Variants in RNF123 observed in about 807,000 individuals in gnomAD.
The protein encoded by RNF123 is E3 ubiquitin-protein ligase RNF123.
Under a neutral mutation model 168.5 loss-of-function variants are expected in RNF123, and 86 were observed. The ratio of observed to expected loss-of-function variants is 0.51; its 90% CI spans 0.43 to 0.61. The LOEUF (loss-of-function observed/expected upper bound fraction) is 0.61, where lower values mean the gene tolerates loss of function less well. Among genes scored for constraint, RNF123 ranks in the 20% least tolerant of loss-of-function variants. The pLI is 0.00. For synonymous variants in RNF123, 666 were observed against 689.1 expected (o/e 0.97, Z 0.52); for missense variants, 1,419 against 1,729.7 (o/e 0.82, Z 3.19).
intron 35 of RNF123, chr3:49,719,351 T>C (rs1327201265): frequency 1.2e-6 from 2 of 1,613,348 alleles, no homozygotes; most frequent in African/African-American, 1.3e-5. Flanking sequence ...GCAGCGCAGA[T>C]ACATTTGTAG....
intron 26 of RNF123, among the ~76,000 whole-genome samples, chr3:49,709,489 A>G (rs2080100528): frequency 6.6e-6 from 1 of 151,964 alleles, no homozygotes; most frequent in African/African-American, 2.4e-5. Context: ...TTTAGTAGAG[A>G]CAGGGTTTCA....
intron 35 of RNF123, chr3:49,718,805 A>G (rs2080313631): frequency 6.2e-7 from 1 of 1,613,096 alleles, no homozygotes; most frequent in Admixed American, 1.7e-5. Context: ...TCGCAAGGCA[A>G]AGGGTTGTTG....
intron 3 of RNF123, among the ~76,000 whole-genome samples, chr3:49,696,349 CTTTTTTTT>C (rs751323081): frequency 7.2e-6 from 1 of 138,068 alleles, no homozygotes. Flanking sequence ...GAGAGGGCTA[CTTTTTTTT>C]TTTTTTTTTG....
intron 18 of RNF123, 49 bp downstream of exon 18, chr3:49,702,193 T>C: frequency 6.3e-7 from 1 of 1,598,578 alleles, no homozygotes; most frequent in Non-Finnish European, 8.6e-7. Flanking sequence ...GGAGGGATGC[T>C]GCACTGGGCC....
chr3:49,704,720 A>C lies in RNF123; in HGVS notation c.1923A>C (p.Leu641=), dbSNP rs555444380. Residue 641 remains leucine, a synonymous_variant, in exon 22 of 39, where the codon CTA becomes CTC. Transcript: ENST00000327697. The stretch of plus-strand genomic sequence containing the variant: ...TCCAGTCAACCGCCATGGATGACCT[A>C]GATGAGGATGAGGAGCCAGCCCCAG... ...LELQSTAMDD[L]DEDEEPAPAM... 1.4e-5 allele frequency: 22 copies of C among 1,596,344 alleles called. No individual in the cohort carries two copies. In the South Asian group the frequency reaches 2.3e-4, roughly 16 times the overall value.
intron 35 of RNF123, 131 bp from the exon 36 acceptor site, chr3:49,720,380 A>G: frequency 1.1e-6 from 1 of 910,648 alleles, no homozygotes; most frequent in Non-Finnish European, 1.5e-6. Context: ...GGGTTTGGGA[A>G]GCAGGGAGAC....
intron 27 of RNF123, 170 bp downstream of exon 27, chr3:49,712,826 G>T (rs2080170048): frequency 1.3e-6 from 1 of 776,568 alleles, no homozygotes; most frequent in Non-Finnish European, 2.2e-6. Context: ...TCTGCACCCT[G>T]CCCTGGGACC....
Position 49,698,047 on chromosome 3 carries a change from T to C in RNF123, c.398-5T>C, listed in dbSNP as rs1187900292. On this transcript the variant is annotated splice_region_variant and splice_polypyrimidine_tract_variant and intron_variant, in intron 6 of 38. Coordinates refer to ENST00000327697, the MANE Select transcript of RNF123 (RefSeq NM_022064.5). The stretch of plus-strand genomic sequence containing the variant: ...ACCTCGTGGCCCTAACTCAGCTCTT[T>C]CCAGGGAAATGGCTCTACGAGGTCC... 8.7e-6 allele frequency: 14 copies of C among 1,613,918 alleles called. No homozygotes were observed. Among genetic ancestry groups the C allele is most frequent in the Non-Finnish European group, 1.0e-5 (12 of 1,179,940 alleles).
At chr3:49,709,824 C>A (rs1023019924) in intron 26 of RNF123, among the ~76,000 whole-genome samples, 1 of 152,180 alleles carries the variant, frequency 6.6e-6, no homozygotes, top group African/African-American at 2.4e-5. Context: ...CCGCCTGCCT[C>A]GGCTTCCCAA....
intron 17 of RNF123, 59 bp from the exon 18 acceptor site, chr3:49,702,024 C>G: frequency 1.3e-6 from 2 of 1,586,354 alleles, no homozygotes; most frequent in Non-Finnish European, 1.7e-6. Flanking sequence ...GGAGCCCTGG[C>G]CCAAACCTGC....
rs1166964858 is a variant in RNF123, at chr3:49,716,393, G to A, written c.3416G>A (p.Gly1139Asp). The A allele has an allele frequency of 6.2e-7, 1 of 1,613,870 alleles. No individual in the cohort carries two copies. The highest frequency in any genetic ancestry group is 8.5e-7 in the Non-Finnish European group (1 of 1,179,884). The change falls in exon 35 of 39, where the codon GGC becomes GAC. Residue 1139 changes from glycine to aspartate, a missense_variant and splice_region_variant. Coordinates refer to ENST00000327697, the MANE Select transcript of RNF123 (RefSeq NM_022064.5). Reference protein sequence around the residue: ...FDRVVTLRLPGLESVDHYPIL... With the variant: ...FDRVVTLRLPDLESVDHYPIL... Reference sequence around the variant, plus strand: ...ATCTCTTTCCTCCCCTTCCCCTCAGGCCTAGAGAGCGTGGACCACTATCCC... The same window carrying A: ...ATCTCTTTCCTCCCCTTCCCCTCAGACCTAGAGAGCGTGGACCACTATCCC...
chr3:49,698,661 G>C (rs1375277531), intron 8 of RNF123, 94 bp from the exon 9 acceptor site: 55 of 1,545,084 alleles, frequency 3.6e-5, no homozygotes, highest in Non-Finnish European at 4.7e-5. Context: ...CTTGTGGCTA[G>C]TCTCCCTTGG....
At chr3:49,690,904 G>C (rs565579603) in intron 1 of RNF123, among the ~76,000 whole-genome samples, 7 of 152,312 alleles carry the variant, frequency 4.6e-5, no homozygotes, top group Admixed American at 1.3e-4. Flanking sequence ...CCTGTGCTGG[G>C]CACAGGGACA....
In RNF123 at chr3:49,698,998, C is replaced by T. The variant is rs1396975823; in HGVS notation, c.657C>T (p.Gly219=). The change falls in exon 10 of 39, where the codon GGC becomes GGT. Residue 219 remains glycine, a synonymous_variant. Coordinates refer to ENST00000327697, the MANE Select transcript of RNF123 (RefSeq NM_022064.5). The stretch of plus-strand genomic sequence containing the variant: ...TCCCCAGGAACGGTGTATCACTGGG[C>T]ACTGCCTTTGAGAACCTGTCCAGGG... ...LSFCLNGVSL[G]TAFENLSRGL... is the part of the protein sequence containing the mutation. The T allele has an allele frequency of 1.2e-6, 2 of 1,613,986 alleles. No individual in the cohort carries two copies. The highest frequency in any genetic ancestry group is 2.2e-5 in the East Asian group (1 of 44,888).
Position 49,699,784 on chromosome 3 carries a change from T to C in RNF123, c.984+12T>C. Reference sequence around the variant, plus strand: ...TTGCACCGCTTCTGGTGAGCGGCATTGGGAGGGGCATGGGAGGGGAGGAGA... The same window carrying C: ...TTGCACCGCTTCTGGTGAGCGGCATCGGGAGGGGCATGGGAGGGGAGGAGA... On this transcript the variant is annotated intron_variant, in intron 12 of 38. Transcript: ENST00000327697. This position sits in a 1 kb window ranked among gnomAD's most constrained non-coding sequence, Gnocchi z 4.8. 6.2e-7 allele frequency: 1 copy of C among 1,611,262 alleles called. No individual in the cohort carries two copies. The highest frequency in any genetic ancestry group is 8.5e-7 in the Non-Finnish European group (1 of 1,178,636).
At chr3:49,715,782 C>A in intron 32 of RNF123, 40 bp from the exon 33 acceptor site, 1 of 1,613,872 alleles carries the variant, frequency 6.2e-7, no homozygotes, top group Non-Finnish European at 8.5e-7. Context: ...GGGCTAGAGC[C>A]AGGTGCTGAC....
intron 15 of RNF123, 92 bp downstream of exon 15, chr3:49,700,801 C>A: frequency 7.4e-7 from 1 of 1,350,418 alleles, no homozygotes; most frequent in South Asian, 1.2e-5. Flanking sequence ...GGCCAGGGGT[C>A]CCCTGGGAGC....
intron 23 of RNF123, 114 bp from the exon 24 acceptor site, chr3:49,705,420 C>G (rs994007456): frequency 6.9e-7 from 1 of 1,452,198 alleles, no homozygotes; most frequent in Non-Finnish European, 9.2e-7. Flanking sequence ...GGGCTCCCCG[C>G]GGGTCCCTCC....
rs760865167 is a variant in RNF123 at position 49,700,520 on chromosome 3, C to T, written c.1159C>T (p.Arg387Trp). The change falls in exon 14 of 39, where the codon CGG becomes TGG. Residue 387 changes from arginine (R) to tryptophan (W), a missense_variant. Around this residue, in one of 5 missense-constraint regions of RNF123, gnomAD observed 349 missense variants for 344.9 expected, o/e 1.01. Coordinates refer to ENST00000327697, the MANE Select transcript of RNF123 (RefSeq NM_022064.5). Reference sequence around the variant, plus strand: ...CAAGCAGTTGATGATGTCTCTGCTTCGGCTGTACCGATTCTCACCCATTGT... The same window carrying T: ...CAAGCAGTTGATGATGTCTCTGCTTTGGCTGTACCGATTCTCACCCATTGT... ...CLKQLMMSLL[R>W]LYRFSPIVPD... is the part of the protein sequence containing the mutation. 9.3e-6 allele frequency: 15 copies of T among 1,614,098 alleles called. No homozygotes were observed. Among genetic ancestry groups the T allele is most frequent in the South Asian group, 4.4e-5 (4 of 91,088 alleles).
Sources: allele counts gnomAD v4.1 joint callset (sites outside exome capture counted in the v4.1 genomes callset), GRCh38; gene constraint gnomAD v4.1.1; regional missense constraint gnomAD v4.1.1; non-coding constraint Gnocchi (gnomAD v3.1); transcripts MANE v1.5; gene names NCBI Gene and HGNC (gene_info 2026-07-23, HGNC 2026-07-21).